The following PCMT1 variants were observed in gnomAD, a reference collection of about 807,000 sequenced individuals.
The protein encoded by PCMT1 is protein-L-isoaspartate(D-aspartate) O-methyltransferase.
PCMT1 carries 9 observed loss-of-function variants against 29.2 expected under a neutral mutation model. That is an observed-to-expected ratio of 0.31 (90% confidence interval 0.19 to 0.54). The LOEUF is 0.54. PCMT1 is among the 20% of genes least tolerant of loss of function. The probability of loss-of-function intolerance (pLI) is 0.95; values close to 1 mark genes in which losing one functional copy is unlikely to be tolerated. For synonymous variants in PCMT1, 98 were observed against 97.5 expected (o/e 1.00, Z -0.03); for missense variants, 184 against 282.2 (o/e 0.65, Z 2.49).
intron 1 of PCMT1, among the ~76,000 whole-genome samples, chr6:149,764,729 GA>G (rs1179295752): frequency 6.7e-6 from 1 of 149,088 alleles, no homozygotes; most frequent in Non-Finnish European, 1.5e-5. Context: ...AACAAAGCCA[GA>G]CCATATCTCT....
intron 3 of PCMT1, among the ~76,000 whole-genome samples, chr6:149,775,882 A>C (rs12525871): frequency 6.6e-6 from 1 of 151,922 alleles, no homozygotes. Context: ...CATCGTGGCC[A>C]GGCGTGGTGG....
intron 1 of PCMT1, among the ~76,000 whole-genome samples, chr6:149,751,476 CTTTTTTTTTT>C (rs76128652): frequency 8.6e-5 from 10 of 116,552 alleles, no homozygotes; most frequent in Non-Finnish European, 1.2e-4. Context: ...ATGGTTGGTA[CTTTTTTTTTT>C]TTTTTTTTTT....
chr6:149,766,200 G>A (rs1372534588), intron 1 of PCMT1, among the ~76,000 whole-genome samples: 1 of 151,718 alleles, frequency 6.6e-6, no homozygotes, highest in East Asian at 1.9e-4. Context: ...CTATACAATT[G>A]GGTATGTGTC....
chr6:149,803,144 A>G (rs2115341720), intron 7 of PCMT1, among the ~76,000 whole-genome samples: 1 of 152,020 alleles, frequency 6.6e-6, no homozygotes, highest in African/African-American at 2.4e-5. Flanking sequence ...GGGGAAAGAT[A>G]ACGGTCGTCT....
chr6:149,762,990 G>GATATATATGATATATATATCTATA (rs1786886917), intron 1 of PCMT1, among the ~76,000 whole-genome samples: 1 of 56,602 alleles, frequency 1.8e-5, no homozygotes, highest in Non-Finnish European at 2.5e-5. Flanking sequence ...ATATATCTAT[G>GATATATATGATATATATATCTATA]ATATATATGA....
At chr6:149,756,088 T>C (rs1786491784) in intron 1 of PCMT1, among the ~76,000 whole-genome samples, 1 of 152,130 alleles carries the variant, frequency 6.6e-6, no homozygotes, top group Non-Finnish European at 1.5e-5. Context: ...ATTTTCTAAA[T>C]TGGAAATGGT....
At chr6:149,785,864 C>A (rs1203144272) in intron 3 of PCMT1, among the ~76,000 whole-genome samples, 1 of 152,246 alleles carries the variant, frequency 6.6e-6, no homozygotes, top group East Asian at 1.9e-4. Context: ...ACCTTTCCCC[C>A]CTTTCTATTC....
chr6:149,771,043 A>G (rs1201670227), intron 1 of PCMT1, 119 bp from the exon 2 acceptor site: 1 of 549,788 alleles, frequency 1.8e-6, no homozygotes, highest in Non-Finnish European at 3.1e-6. Context: ...GGGCCATTAC[A>G]ACAACTTCCA....
intron 7 of PCMT1, among the ~76,000 whole-genome samples, chr6:149,802,688 T>A (rs1024077512): frequency 2.0e-5 from 3 of 152,056 alleles, no homozygotes; most frequent in African/African-American, 7.2e-5. Context: ...TTTTCTTCAT[T>A]ATCAGCCACT....
intron 1 of PCMT1, among the ~76,000 whole-genome samples, chr6:149,765,124 C>T (rs1479424032): frequency 6.7e-6 from 1 of 150,084 alleles, no homozygotes; most frequent in Non-Finnish European, 1.5e-5. Context: ...CTTTGGGAGG[C>T]CGAGGCGGGC....
At chr6:149,793,342 G>A (rs1788456479) in intron 4 of PCMT1, among the ~76,000 whole-genome samples, 4 of 152,140 alleles carry the variant, frequency 2.6e-5, no homozygotes, top group Non-Finnish European at 5.9e-5. Context: ...AGTATTACAA[G>A]TTTTATTCAA....
chr6:149,772,062 C>A (rs750243857), intron 2 of PCMT1: 7 of 456,824 alleles, frequency 1.5e-5, no homozygotes, highest in South Asian at 1.1e-4. Flanking sequence ...TGCTGAACTG[C>A]TGAGCCTTGG....
At chr6:149,789,903 C>G in intron 3 of PCMT1, 51 bp from the exon 4 acceptor site, 1 of 1,237,636 alleles carries the variant, frequency 8.1e-7, no homozygotes, top group South Asian at 1.4e-5. Flanking sequence ...TATTTATATA[C>G]CATGATGTGT....
chr6:149,755,794 G>C (rs1012026830), intron 1 of PCMT1, among the ~76,000 whole-genome samples: 1 of 152,152 alleles, frequency 6.6e-6, no homozygotes, highest in Non-Finnish European at 1.5e-5. Context: ...CTTCTAATGG[G>C]AGCAGCCAAG....
intron 7 of PCMT1, among the ~76,000 whole-genome samples, chr6:149,806,258 A>T (rs893008543): frequency 3.3e-5 from 5 of 152,194 alleles, no homozygotes; most frequent in African/African-American, 9.6e-5. Flanking sequence ...ATAGGCAGTT[A>T]TAGGGTAGTG....
At chr6:149,780,563 T>C (rs9689036) in intron 3 of PCMT1, among the ~76,000 whole-genome samples, 74,703 of 152,030 alleles carry the variant, frequency 0.49, 20,191 homozygotes, top group East Asian at 0.83. Flanking sequence ...TATTTGTTTC[T>C]ATAGATTTGC....
chr6:149,795,322 A>C (rs546221901), intron 5 of PCMT1: 17 of 380,760 alleles, frequency 4.5e-5, no homozygotes, highest in South Asian at 4.3e-4. Context: ...TTCCATTAGC[A>C]GTACTGGGAA....
intron 7 of PCMT1, among the ~76,000 whole-genome samples, chr6:149,809,423 A>G (rs1185390661): frequency 2.6e-5 from 4 of 152,126 alleles, no homozygotes; most frequent in African/African-American, 7.2e-5. Flanking sequence ...AAGCTGTTCT[A>G]TGAGAATTAT....
At chr6:149,775,151 A>G (rs1055668942) in intron 3 of PCMT1, among the ~76,000 whole-genome samples, 4 of 152,194 alleles carry the variant, frequency 2.6e-5, no homozygotes, top group African/African-American at 9.6e-5. Context: ...GGCCAGAACA[A>G]TAACTTTTCT....
Sources: allele counts gnomAD v4.1 joint callset (sites outside exome capture counted in the v4.1 genomes callset), GRCh38; gene constraint gnomAD v4.1.1; transcripts MANE v1.5; gene names NCBI Gene and HGNC (gene_info 2026-07-23, HGNC 2026-07-21).